The following NBDY variants were observed in gnomAD, a reference collection of about 807,000 sequenced individuals.
NBDY encodes the protein P-body dissociating protein.
At chrX:56,756,048 A>C (rs1325446696) in intron 2 of NBDY, among the ~76,000 whole-genome samples, 78 of 105,043 alleles carry the variant, frequency 7.4e-4, no homozygotes, top group Non-Finnish European at 1.3e-3. Flanking sequence ...AGGACAAAAA[A>C]CCAAACACTG....
chrX:56,767,695 T>G (rs998081707), intron 2 of NBDY, among the ~76,000 whole-genome samples: 10 of 112,661 alleles, frequency 8.9e-5, no homozygotes, highest in Non-Finnish European at 1.7e-4. Flanking sequence ...TCTTTTATAA[T>G]TATGTTTTCT....
intron 2 of NBDY, among the ~76,000 whole-genome samples, chrX:56,756,254 C>T (rs939134450): frequency 6.5e-5 from 7 of 107,384 alleles, no homozygotes; most frequent in African/African-American, 1.4e-4. Flanking sequence ...AACTAACCTG[C>T]GCATTGTGCA....
At chrX:56,781,658 G>C (rs11091578) in intron 2 of NBDY, among the ~76,000 whole-genome samples, 59,514 of 110,201 alleles carry the variant, frequency 0.54, 14,222 homozygotes, top group Non-Finnish European at 0.74. Flanking sequence ...CTTTTCGTCC[G>C]CTTCTGTTTA....
intron 2 of NBDY, among the ~76,000 whole-genome samples, chrX:56,751,535 A>T (rs2069585649): frequency 8.9e-6 from 1 of 112,009 alleles, no homozygotes; most frequent in African/African-American, 3.2e-5. Flanking sequence ...GGTATAAGTC[A>T]TAGTAAAGTA....
chrX:56,791,778 T>C (rs1354145551), intron 2 of NBDY, among the ~76,000 whole-genome samples: 1 of 110,502 alleles, frequency 9.0e-6, no homozygotes, highest in African/African-American at 3.3e-5. Flanking sequence ...TCCTCCTACT[T>C]TTTTTCTTTA....
At chrX:56,807,611 G>A (rs1451845008) in intron 2 of NBDY, among the ~76,000 whole-genome samples, 1 of 111,454 alleles carries the variant, frequency 9.0e-6, no homozygotes, top group Non-Finnish European at 1.9e-5. Flanking sequence ...ATTTGGCTCT[G>A]TGTTTGTCTG....
intron 2 of NBDY, among the ~76,000 whole-genome samples, chrX:56,789,603 C>T (rs1182017138): frequency 8.9e-6 from 1 of 111,772 alleles, no homozygotes; most frequent in Non-Finnish European, 1.9e-5. Context: ...CATGGAGCAG[C>T]AGGGAGTTGG....
At chrX:56,743,612 T>C (rs930846124) in intron 2 of NBDY, among the ~76,000 whole-genome samples, 2 of 111,379 alleles carry the variant, frequency 1.8e-5, no homozygotes, top group African/African-American at 6.5e-5. Flanking sequence ...ATTTCTGCAG[T>C]ATCAGTTGTA....
chrX:56,746,703 A>G (rs2069559864), intron 2 of NBDY, among the ~76,000 whole-genome samples: 1 of 110,195 alleles, frequency 9.1e-6, no homozygotes, highest in Non-Finnish European at 1.9e-5. Context: ...AGATCTGTAG[A>G]TCTGAGATCC....
intron 2 of NBDY, among the ~76,000 whole-genome samples, chrX:56,755,596 G>A (rs1301310442): frequency 1.7e-3 from 186 of 109,366 alleles, no homozygotes; most frequent in African/African-American, 5.6e-3. Context: ...ATGAGATACC[G>A]TCTCACACCA....
intron 2 of NBDY, among the ~76,000 whole-genome samples, chrX:56,757,454 T>C (rs1341514767): frequency 1.8e-5 from 2 of 112,192 alleles, no homozygotes; most frequent in Non-Finnish European, 3.8e-5. Context: ...TTCCTTCGCT[T>C]CGTGCACCAT....
intron 2 of NBDY, among the ~76,000 whole-genome samples, chrX:56,767,391 G>T (rs757557312): frequency 8.8e-6 from 1 of 113,283 alleles, no homozygotes; most frequent in Admixed American, 9.2e-5. Context: ...CACTCTGGCC[G>T]CCCTTGAGGA....
At chrX:56,803,367 G>A (rs146030006) in intron 2 of NBDY, among the ~76,000 whole-genome samples, 1,344 of 111,671 alleles carry the variant, frequency 0.012, 19 homozygotes, top group African/African-American at 0.042. Context: ...TGGCCCCAGC[G>A]TGATTCCAGG....
chrX:56,747,889 G>A (rs763451693), intron 2 of NBDY, among the ~76,000 whole-genome samples: 2 of 111,433 alleles, frequency 1.8e-5, no homozygotes, highest in East Asian at 5.7e-4. Context: ...TTCAACCAGA[G>A]AAATAGAACC....
At chrX:56,759,507 C>A (rs1204782655) in intron 2 of NBDY, among the ~76,000 whole-genome samples, 1 of 111,029 alleles carries the variant, frequency 9.0e-6, no homozygotes, top group Admixed American at 9.5e-5. Flanking sequence ...TTCTCTTTCT[C>A]CTTCCTATTT....
intron 2 of NBDY, among the ~76,000 whole-genome samples, chrX:56,794,592 C>G (rs2069782591): frequency 9.3e-6 from 1 of 107,053 alleles, no homozygotes; most frequent in Non-Finnish European, 1.9e-5. Context: ...ATCCTATCCT[C>G]AATACATCCC....
At chrX:56,767,394 C>T (rs779342624) in intron 2 of NBDY, among the ~76,000 whole-genome samples, 2 of 113,371 alleles carry the variant, frequency 1.8e-5, no homozygotes, top group Admixed American at 1.8e-4. Flanking sequence ...TCTGGCCGCC[C>T]TTGAGGAGCC....
intron 2 of NBDY, among the ~76,000 whole-genome samples, chrX:56,736,797 G>C (rs531272159): frequency 8.9e-6 from 1 of 111,965 alleles, no homozygotes; most frequent in Admixed American, 9.4e-5. Flanking sequence ...ACCTATGTTG[G>C]AGTGCATACA....
At chrX:56,745,500 C>A (rs2069552602) in intron 2 of NBDY, among the ~76,000 whole-genome samples, 1 of 110,797 alleles carries the variant, frequency 9.0e-6, no homozygotes, top group Non-Finnish European at 1.9e-5. Flanking sequence ...ACCCTAAACA[C>A]TAAATCATAT....
Sources: gnomAD v4.1 joint callset for allele counts (sites outside exome capture counted in the v4.1 genomes callset) on GRCh38, gnomAD v4.1.1 for gene constraint, MANE v1.5 for transcripts, NCBI Gene and HGNC (gene_info 2026-07-23, HGNC 2026-07-21) for gene names.